The following RNF217 variants were observed in gnomAD, a reference collection of about 807,000 sequenced individuals.
RNF217 encodes the protein E3 ubiquitin-protein ligase RNF217.
RNF217 carries 31 observed loss-of-function variants against 57.8 expected under a neutral mutation model. The observed-to-expected ratio is 0.54, with a 90% confidence interval of 0.40 to 0.72. The LOEUF (loss-of-function observed/expected upper bound fraction) is 0.72, where lower values mean the gene tolerates loss of function less well. Ranked by LOEUF, RNF217 falls within the 30% of genes least tolerant of loss-of-function variation. The probability of loss-of-function intolerance (pLI) is 0.00; values close to 1 mark genes in which losing one functional copy is unlikely to be tolerated. For synonymous variants in RNF217, 313 were observed against 294.0 expected (o/e 1.06, Z -0.66); for missense variants, 696 against 708.3 (o/e 0.98, Z 0.20).
intron 1 of RNF217, among the ~76,000 whole-genome samples, chr6:124,971,019 C>G (rs1251165797): frequency 1.3e-5 from 2 of 152,018 alleles, no homozygotes; most frequent in Non-Finnish European, 2.9e-5. Flanking sequence ...AGAGTGGGTT[C>G]AAAAGAACAG....
intron 1 of RNF217, among the ~76,000 whole-genome samples, chr6:124,969,962 T>C (rs1429932952): frequency 6.6e-6 from 1 of 152,130 alleles, no homozygotes; most frequent in Non-Finnish European, 1.5e-5. Flanking sequence ...GGATATCTAA[T>C]AGAATAATAA....
intron 1 of RNF217, among the ~76,000 whole-genome samples, chr6:125,017,679 T>C (rs1785663210): frequency 6.6e-6 from 1 of 152,176 alleles, no homozygotes; most frequent in Non-Finnish European, 1.5e-5. Context: ...AGGGATTAAA[T>C]TCCTTTCTTA....
chr6:125,030,891 G>A lies in RNF217; in HGVS notation c.883-14320G>A, dbSNP rs138715759. On this transcript the variant is annotated intron_variant, in intron 1 of 5. Coordinates refer to ENST00000521654, the MANE Select transcript of RNF217 (RefSeq NM_001286398.3). ...GTCTCCGACCCCACATTTTCCTCCCGCACTGCCCTAGCAGAGGTTCTACAT... is the reference window on the plus strand; with the variant it reads ...GTCTCCGACCCCACATTTTCCTCCCACACTGCCCTAGCAGAGGTTCTACAT... Among the ~76,000 whole-genome samples, 611 of 152,228 alleles carry A rather than the reference G, an allele frequency of 4.0e-3. 4 individuals are homozygous for A. Among genetic ancestry groups the A allele is most frequent in the South Asian group, 0.021 (100 of 4,820 alleles).
chr6:125,079,133 C>T (rs1213764727), intron 4 of RNF217, among the ~76,000 whole-genome samples: 2 of 152,104 alleles, frequency 1.3e-5, no homozygotes, highest in African/African-American at 4.8e-5. Context: ...TAACCACGTG[C>T]TCAGCTAGAG....
intron 1 of RNF217, among the ~76,000 whole-genome samples, chr6:125,006,405 A>G (rs1408385836): frequency 6.6e-6 from 1 of 152,158 alleles, no homozygotes; most frequent in Non-Finnish European, 1.5e-5. Flanking sequence ...TAGCATAGTT[A>G]CTATTATAAT....
Position 125,087,279 on chromosome 6 carries a change from A to T in RNF217, c.*4342A>T, listed in dbSNP as rs1002180933. On this transcript the variant is annotated 3_prime_UTR_variant, in exon 6 of 6. Transcript: ENST00000521654. ...ACCTTAATTGGCATACTTTACTACA[A>T]AAATAAGAAAATGTATGCCAAAAAA... 1 of 152,244 alleles carries T rather than the reference A, an allele frequency of 6.6e-6. No individual in the cohort carries two copies. Among genetic ancestry groups the T allele is most frequent in the African/African-American group, 2.4e-5 (1 of 41,568 alleles). The allele number at this position is 152,244 out of a possible 1,614,324, so 9.4% of individuals were successfully genotyped here. A position where few individuals can be genotyped will look rare whatever the true frequency, so the allele number is the denominator to read the frequency against.
chr6:125,037,942 T>A (rs1786710283), intron 1 of RNF217, among the ~76,000 whole-genome samples: 1 of 152,112 alleles, frequency 6.6e-6, no homozygotes, highest in Admixed American at 6.6e-5. Context: ...ATTTGATAAA[T>A]TGAGCAATGA....
At chr6:125,017,304 C>CACCAT (rs1785649602) in intron 1 of RNF217, among the ~76,000 whole-genome samples, 1 of 152,088 alleles carries the variant, frequency 6.6e-6, no homozygotes, top group Non-Finnish European at 1.5e-5. Flanking sequence ...TTGTATTTTT[C>CACCAT]ATTTGCCTTT....
chr6:125,045,225 A>G lies in RNF217; in HGVS notation c.897A>G (p.Gln299=). The stretch of plus-strand genomic sequence containing the variant: ...CCATCATGCAGGTACAACTTGGCCA[A>G]GTAGAAATCAAATGCCCCATCACAG... ...VYLSAQVQLG[Q]VEIKCPITEC... is the part of the protein sequence containing the mutation. The change falls in exon 2 of 6, where the codon CAA becomes CAG. Residue 299 remains glutamine (Q), a synonymous_variant. Transcript: ENST00000521654. 2 of 1,612,458 alleles carry G rather than the reference A, an allele frequency of 1.2e-6. No individual in the cohort carries two copies. Among genetic ancestry groups the G allele is most frequent in the Non-Finnish European group, 1.7e-6 (2 of 1,179,066 alleles).
chr6:125,081,341 A>G, intron 4 of RNF217, 95 bp from the exon 5 acceptor site: 1 of 877,236 alleles, frequency 1.1e-6, no homozygotes, highest in South Asian at 1.6e-5. Flanking sequence ...CTACTTAAAA[A>G]ATAATATACA....
At position 125,045,264 on chromosome 6, in the gene RNF217, C is replaced by A. The variant is rs1274405290; in HGVS notation, c.936C>A (p.Phe312Leu). 2 of 1,613,164 alleles carry A rather than the reference C, an allele frequency of 1.2e-6. No homozygotes were observed. The highest frequency in any genetic ancestry group is 1.7e-5 in the Admixed American group (1 of 59,888). The stretch of plus-strand genomic sequence containing the variant: ...GCCCCATCACAGAGTGTTTTGAATT[C>A]TTGGAAGAAACAACTGTTGTCTATA... ...IKCPITECFEFLEETTVVYNL... is the reference protein window; with the variant it reads ...IKCPITECFELLEETTVVYNL... Residue 312 changes from phenylalanine to leucine, a missense_variant, in exon 2 of 6, where the codon TTC becomes TTA. Physicochemically the swap from Phe to Leu is conservative, Grantham distance 22. Transcript: ENST00000521654.
chr6:125,055,286 T>C, intron 2 of RNF217, among the ~76,000 whole-genome samples: 1 of 152,164 alleles, frequency 6.6e-6, no homozygotes, highest in Non-Finnish European at 1.5e-5. Context: ...GCCCCATAAC[T>C]CTGGTCACAG....
chr6:125,024,719 CAAAAAAA>C (rs35985972), intron 1 of RNF217, among the ~76,000 whole-genome samples: 6 of 83,594 alleles, frequency 7.2e-5, no homozygotes, highest in African/African-American at 2.1e-4. Flanking sequence ...GACTCTGTCT[CAAAAAAA>C]AAAAAAAAAA....
At chr6:124,978,451 G>A (rs1476589568) in intron 1 of RNF217, among the ~76,000 whole-genome samples, 1 of 151,358 alleles carries the variant, frequency 6.6e-6, no homozygotes, top group African/African-American at 2.4e-5. Context: ...GGGGAATGCG[G>A]TGGTGCCTGA....
At chr6:125,016,025 A>G (rs1785589804) in intron 1 of RNF217, among the ~76,000 whole-genome samples, 2 of 152,182 alleles carry the variant, frequency 1.3e-5, no homozygotes, top group Non-Finnish European at 2.9e-5. Context: ...ATTCACTGGT[A>G]CATAAAAATA....
At chr6:125,014,231 C>T (rs935898870) in intron 1 of RNF217, among the ~76,000 whole-genome samples, 1 of 152,086 alleles carries the variant, frequency 6.6e-6, no homozygotes, top group Admixed American at 6.6e-5. Context: ...ATCAAAATAC[C>T]ACCATAGAGT....
intron 1 of RNF217, among the ~76,000 whole-genome samples, chr6:124,999,570 T>G (rs1408924535): frequency 1.3e-5 from 2 of 152,196 alleles, no homozygotes; most frequent in Non-Finnish European, 2.9e-5. Context: ...TGCCAGAGCC[T>G]AAAGTATAAC....
chr6:125,082,678 A>T (rs1788618057), intron 5 of RNF217, 186 bp from the exon 6 acceptor site: 2 of 1,427,718 alleles, frequency 1.4e-6, no homozygotes, highest in African/African-American at 2.9e-5. Flanking sequence ...TGAGGGTGCT[A>T]AAGGGGAGAA....
chr6:125,039,525 A>G (rs1452924291), intron 1 of RNF217, among the ~76,000 whole-genome samples: 1 of 152,142 alleles, frequency 6.6e-6, no homozygotes, highest in Non-Finnish European at 1.5e-5. Context: ...CACATTTTCA[A>G]TATTAGACAG....
Sources: allele counts gnomAD v4.1 joint callset (sites outside exome capture counted in the v4.1 genomes callset), GRCh38; gene constraint gnomAD v4.1.1; transcripts MANE v1.5; gene names NCBI Gene and HGNC (gene_info 2026-07-23, HGNC 2026-07-21).